OCA2: variants seen among roughly 807,000 people sequenced by gnomAD.
OCA2 encodes OCA2 melanosomal transmembrane protein, also known as P protein.
OCA2 carries 77 observed loss-of-function variants against 100.2 expected under a neutral mutation model. The ratio of observed to expected loss-of-function variants is 0.77; its 90% CI spans 0.64 to 0.93. The LOEUF (loss-of-function observed/expected upper bound fraction) is 0.93. Among genes scored for constraint, OCA2 ranks in the 40% least tolerant of loss-of-function variants. OCA2 has a pLI of 0.00. For missense variants in OCA2, 1,062 were observed against 1,089.1 expected (o/e 0.98, Z 0.35); for synonymous variants, 432 against 439.2 (o/e 0.98, Z 0.21).
At chr15:27,967,751 G>A (rs572954348) in intron 14 of OCA2, among the ~76,000 whole-genome samples, 7 of 152,318 alleles carry the variant, frequency 4.6e-5, no homozygotes, top group African/African-American at 1.7e-4. Context: ...GCACGTGGCC[G>A]GCCACTGAGG....
intron 2 of OCA2, among the ~76,000 whole-genome samples, chr15:28,051,796 G>A (rs1204331741): frequency 6.6e-6 from 1 of 151,874 alleles, no homozygotes; most frequent in Non-Finnish European, 1.5e-5. Context: ...TGGGATGCTT[G>A]GGCACTGGTT....
intron 1 of OCA2, among the ~76,000 whole-genome samples, chr15:28,083,030 A>T (rs2044701764): frequency 1.3e-5 from 2 of 152,176 alleles, no homozygotes; most frequent in Admixed American, 1.3e-4. Context: ...GCCAGGACTG[A>T]CTGTGCACTT....
chr15:27,825,024 A>C (rs968718981), intron 23 of OCA2, among the ~76,000 whole-genome samples: 4 of 152,246 alleles, frequency 2.6e-5, no homozygotes, highest in African/African-American at 7.2e-5. Context: ...AGTTTTAATT[A>C]AGGTCTGATC....
At chr15:27,741,460 G>A in the OCA2 span, among the ~76,000 whole-genome samples, 3 of 152,204 alleles carry the variant, frequency 2.0e-5, no homozygotes, top group African/African-American at 7.2e-5. Context: ...AGCCGGTGTC[G>A]TGACCCCACG....
intron 19 of OCA2, among the ~76,000 whole-genome samples, chr15:27,887,263 C>T (rs2037261315): frequency 1.3e-5 from 2 of 151,942 alleles, no homozygotes; most frequent in South Asian, 2.1e-4. Flanking sequence ...AATACAGGAG[C>T]CCAGGAAAAT....
chr15:27,880,345 G>T (rs932684752), intron 19 of OCA2, among the ~76,000 whole-genome samples: 24 of 152,136 alleles, frequency 1.6e-4, no homozygotes, highest in East Asian at 3.9e-4. Context: ...ACTCGTTTTT[G>T]ATTCCATTTT....
At chr15:27,835,063 T>C (rs2035096579) in intron 23 of OCA2, among the ~76,000 whole-genome samples, 1 of 152,220 alleles carries the variant, frequency 6.6e-6, no homozygotes, top group African/African-American at 2.4e-5. Context: ...CAACACTTGC[T>C]GCTGCAGCGA....
At chr15:27,925,695 C>T (rs1328599250) in intron 19 of OCA2, among the ~76,000 whole-genome samples, 1 of 152,048 alleles carries the variant, frequency 6.6e-6, no homozygotes, top group Non-Finnish European at 1.5e-5. Flanking sequence ...AATTTTGTAA[C>T]AACAATTGTA....
chr15:28,000,291 A>G (rs1039993784), intron 9 of OCA2, among the ~76,000 whole-genome samples: 5 of 152,340 alleles, frequency 3.3e-5, no homozygotes, highest in African/African-American at 1.2e-4. Flanking sequence ...AAGAATCAAC[A>G]GCCCAGAAAT....
chr15:27,849,960 A>G (rs1334918238), intron 22 of OCA2, among the ~76,000 whole-genome samples: 1 of 152,190 alleles, frequency 6.6e-6, no homozygotes, highest in Admixed American at 6.5e-5. Flanking sequence ...CAATCGCCAG[A>G]GCTACTAGAT....
At chr15:27,913,892 AAAGCAAGC>A (rs201142354) in intron 19 of OCA2, among the ~76,000 whole-genome samples, 669 of 37,356 alleles carry the variant, frequency 0.018, 39 homozygotes, top group South Asian at 0.023. Context: ...AGAAAGAAAG[AAAGCAAGC>A]AAGCAAGCAA....
chr15:27,928,037 C>A (rs1018999977), intron 18 of OCA2, among the ~76,000 whole-genome samples: 1 of 152,010 alleles, frequency 6.6e-6, no homozygotes, highest in Non-Finnish European at 1.5e-5. Flanking sequence ...AGTGATCCAC[C>A]CACCTTGACT....
At chr15:27,733,850 A>T in the OCA2 span, among the ~76,000 whole-genome samples, 1 of 151,942 alleles carries the variant, frequency 6.6e-6, no homozygotes, top group Non-Finnish European at 1.5e-5. Flanking sequence ...AATATTACAT[A>T]TTAAAGTATA....
At chr15:27,930,228 A>G (rs999186467) in intron 18 of OCA2, among the ~76,000 whole-genome samples, 2 of 152,206 alleles carry the variant, frequency 1.3e-5, no homozygotes, top group Non-Finnish European at 2.9e-5. Flanking sequence ...CAAGAACTGG[A>G]AACAATTCAA....
chr15:28,079,986 A>C (rs1257715403), intron 2 of OCA2, among the ~76,000 whole-genome samples: 5 of 152,218 alleles, frequency 3.3e-5, no homozygotes, highest in African/African-American at 1.2e-4. Context: ...CGAAGCAAGA[A>C]GTGAGGTCAA....
At chr15:27,888,559 A>G (rs1440577419) in intron 19 of OCA2, among the ~76,000 whole-genome samples, 2 of 152,208 alleles carry the variant, frequency 1.3e-5, no homozygotes, top group African/African-American at 4.8e-5. Flanking sequence ...CTTCTCTTGG[A>G]ACAAGTGAAA....
At chr15:28,059,479 T>C (rs72712687) in intron 2 of OCA2, among the ~76,000 whole-genome samples, 14,787 of 152,194 alleles carry the variant, frequency 0.097, 852 homozygotes, top group African/African-American at 0.16. Flanking sequence ...AGGTCAAGCA[T>C]GCAGTGAGCT....
intron 21 of OCA2, among the ~76,000 whole-genome samples, chr15:27,868,473 G>A (rs933462675): frequency 6.6e-6 from 1 of 152,158 alleles, no homozygotes; most frequent in African/African-American, 2.4e-5. Context: ...GTTACAGAAG[G>A]AGCAACACCG....
intron 22 of OCA2, among the ~76,000 whole-genome samples, chr15:27,848,258 G>C (rs1352857229): frequency 1.3e-5 from 2 of 152,214 alleles, no homozygotes; most frequent in African/African-American, 4.8e-5. Flanking sequence ...GAAATGCAGG[G>C]AGTCTGCTTC....
Sources: allele counts gnomAD v4.1 joint callset (sites outside exome capture counted in the v4.1 genomes callset), GRCh38; gene constraint gnomAD v4.1.1; transcripts MANE v1.5; gene names NCBI Gene and HGNC (gene_info 2026-07-23, HGNC 2026-07-21).